Variants in ILDR1 observed in about 807,000 individuals in gnomAD.
ILDR1 encodes immunoglobulin-like domain-containing receptor 1.
ILDR1 carries 56 observed loss-of-function variants against 62.4 expected under a neutral mutation model. That is an observed-to-expected ratio of 0.90 (90% CI 0.72 to 1.12). The LOEUF is 1.12. ILDR1 is among the 50% of genes most tolerant of loss of function. The pLI is 0.00. For synonymous variants in ILDR1, 284 were observed against 277.8 expected (o/e 1.02, Z -0.22); for missense variants, 736 against 710.6 (o/e 1.04, Z -0.41).
intron 2 of ILDR1, among the ~76,000 whole-genome samples, chr3:122,006,724 T>C (rs557467147): frequency 4.6e-5 from 7 of 152,318 alleles, no homozygotes; most frequent in Non-Finnish European, 7.4e-5. Flanking sequence ...GCAGGACTTT[T>C]CCCTAATGTT....
At chr3:122,007,973 C>T (rs1450623401) in intron 1 of ILDR1, among the ~76,000 whole-genome samples, 2 of 152,202 alleles carry the variant, frequency 1.3e-5, no homozygotes, top group Non-Finnish European at 2.9e-5. Context: ...GGTCTGCTAA[C>T]TGTGGGCTCA....
chr3:122,028,707 T>C, the ILDR1 span, among the ~76,000 whole-genome samples: 3 of 152,162 alleles, frequency 2.0e-5, no homozygotes, highest in African/African-American at 7.2e-5. Context: ...ATCAGGACAA[T>C]GGAAACCAAA....
At chr3:122,011,119 G>A (rs961020118) in intron 1 of ILDR1, among the ~76,000 whole-genome samples, 11 of 152,224 alleles carry the variant, frequency 7.2e-5, no homozygotes, top group African/African-American at 2.6e-4. Context: ...AATATAACTG[G>A]TGCAGTCACT....
chr3:122,005,496 T>G, intron 2 of ILDR1, 103 bp from the exon 3 acceptor site: 1 of 1,298,356 alleles, frequency 7.7e-7, no homozygotes, highest in South Asian at 1.2e-5. Context: ...AGTGTCTCAA[T>G]TTTTCCCAAG....
chr3:122,040,607 C>T, the ILDR1 span, among the ~76,000 whole-genome samples: 1 of 149,894 alleles, frequency 6.7e-6, no homozygotes, highest in Non-Finnish European at 1.5e-5. Flanking sequence ...ATAGAGAGCC[C>T]AGAAATAGAC....
the ILDR1 span, among the ~76,000 whole-genome samples, chr3:122,059,031 G>A: frequency 3.9e-5 from 6 of 152,110 alleles, no homozygotes; most frequent in Non-Finnish European, 8.8e-5. Flanking sequence ...AAGCAGAGTG[G>A]GTTTGCGCCA....
At chr3:122,000,406 G>C (rs2071503589) in intron 5 of ILDR1, among the ~76,000 whole-genome samples, 1 of 152,174 alleles carries the variant, frequency 6.6e-6, no homozygotes, top group Non-Finnish European at 1.5e-5. Context: ...AAAGGACTAG[G>C]TTCAAGGAGC....
chr3:122,042,145 C>A, the ILDR1 span, among the ~76,000 whole-genome samples: 1 of 98,152 alleles, frequency 1.0e-5, no homozygotes. Flanking sequence ...CAATTCCCAC[C>A]TATGAGTGAG....
At chr3:122,018,977 G>A (rs2071818707) in intron 1 of ILDR1, among the ~76,000 whole-genome samples, 1 of 152,142 alleles carries the variant, frequency 6.6e-6, no homozygotes. Flanking sequence ...CTTACTTAGG[G>A]GTCGGTTGTC....
the ILDR1 span, among the ~76,000 whole-genome samples, chr3:122,058,635 GA>G: frequency 6.6e-6 from 1 of 152,092 alleles, no homozygotes; most frequent in East Asian, 1.9e-4. Flanking sequence ...TAATAATAGA[GA>G]AAGAAGCTGG....
intron 1 of ILDR1, among the ~76,000 whole-genome samples, chr3:122,018,518 G>A (rs1441627883): frequency 6.6e-6 from 1 of 152,138 alleles, no homozygotes. Context: ...TTCTGCACAT[G>A]TAACCCAGTA....
chr3:122,005,412 CT>C lies in ILDR1; in HGVS notation c.230-20del. Reference sequence around the variant, plus strand: ...TGGTATGCTGAGGAGAGAGGGCACACTAGAGTCACACAGCAATAGGGGGTTC... The same window carrying C: ...TGGTATGCTGAGGAGAGAGGGCACACAGAGTCACACAGCAATAGGGGGTTC... On this transcript the variant is annotated intron_variant, in intron 2 of 7. Transcript: ENST00000344209. The C allele has an allele frequency of 6.2e-7, 1 of 1,614,164 alleles. No homozygotes were observed. The highest frequency in any genetic ancestry group is 1.1e-5 in the South Asian group (1 of 91,084).
At chr3:122,007,245 T>C in intron 1 of ILDR1, 84 bp from the exon 2 acceptor site, 1 of 1,593,882 alleles carries the variant, frequency 6.3e-7, no homozygotes, top group Non-Finnish European at 8.5e-7. Flanking sequence ...GCAAAAGATA[T>C]TGCCTGCCAT....
In ILDR1 at chr3:122,019,760, C is replaced by T. The variant is rs191596147; in HGVS notation, c.58+2260G>A. ...GACACAATTTTACTACTGCCTCACA[C>T]TTTGCAATTGTGGGAACTTGGAGGC... On this transcript the variant is annotated intron_variant, in intron 1 of 7. Coordinates refer to ENST00000344209, the MANE Select transcript of ILDR1 (RefSeq NM_001199799.2). Among the ~76,000 whole-genome samples, 7 of 152,334 alleles carry T rather than the reference C, an allele frequency of 4.6e-5. No homozygotes were observed. In the East Asian group the frequency reaches 1.3e-3, roughly 29 times the overall value.
At chr3:122,059,166 G>A in the ILDR1 span, among the ~76,000 whole-genome samples, 2 of 152,154 alleles carry the variant, frequency 1.3e-5, no homozygotes, top group African/African-American at 4.8e-5. Context: ...TCAAAAAAGA[G>A]GGATGGCCTG....
chr3:122,055,596 T>C, the ILDR1 span: 3 of 1,145,908 alleles, frequency 2.6e-6, no homozygotes, highest in Non-Finnish European at 4.0e-6. Flanking sequence ...TGTGTGTCCT[T>C]CACTTAGTTC....
rs112864223 is a variant in ILDR1 at position 122,006,719 on chromosome 3, A to G, written c.229+272T>C. Among the ~76,000 whole-genome samples the G allele has an allele frequency of 8.6e-3, 1,305 of 152,310 alleles. 17 individuals are homozygous for G. The highest frequency in any genetic ancestry group is 0.028 in the African/African-American group (1,164 of 41,550). ...AACCAGGAATGGACAGGGAGGCAGG[A>G]CTTTTCCCTAATGTTTAAGTTTCTT... On this transcript the variant is annotated intron_variant, in intron 2 of 7. Transcript: ENST00000344209.
the ILDR1 span, among the ~76,000 whole-genome samples, chr3:122,047,478 G>T: frequency 6.6e-6 from 1 of 152,242 alleles, no homozygotes; most frequent in Admixed American, 6.5e-5. Context: ...GTTTACCTAA[G>T]CAAGCCTGGG....
the ILDR1 span, among the ~76,000 whole-genome samples, chr3:122,056,936 T>A: frequency 6.6e-6 from 1 of 152,216 alleles, no homozygotes; most frequent in African/African-American, 2.4e-5. Context: ...TTGTTAAGAT[T>A]CCTTTTGTTT....
Sources: gnomAD v4.1 joint callset for allele counts (sites outside exome capture counted in the v4.1 genomes callset) on GRCh38, gnomAD v4.1.1 for gene constraint, MANE v1.5 for transcripts, NCBI Gene and HGNC (gene_info 2026-07-23, HGNC 2026-07-21) for gene names.